Variants in PEX14 observed in about 807,000 individuals in gnomAD.
PEX14 encodes peroxisomal biogenesis factor 14, also known as peroxisomal membrane protein PEX14.
Under a neutral mutation model 49.5 loss-of-function variants are expected in PEX14, and 15 were observed. That is an observed-to-expected ratio of 0.30 (90% CI 0.20 to 0.47). The LOEUF (loss-of-function observed/expected upper bound fraction) is 0.47, where lower values mean the gene tolerates loss of function less well. PEX14 is among the 20% of genes least tolerant of loss of function. The pLI is 1.00. For synonymous variants in PEX14, 210 were observed against 212.7 expected (o/e 0.99, Z 0.11); for missense variants, 398 against 494.8 (o/e 0.80, Z 1.86).
At chr1:10,530,308 C>A (rs1638609785) in intron 2 of PEX14, among the ~76,000 whole-genome samples, 3 of 152,108 alleles carry the variant, frequency 2.0e-5, no homozygotes, top group Admixed American at 2.0e-4. Flanking sequence ...ATGTAAATGC[C>A]AACTAGTAAT....
intron 4 of PEX14, among the ~76,000 whole-genome samples, chr1:10,605,765 C>A (rs1167235777): frequency 6.6e-6 from 1 of 152,196 alleles, no homozygotes; most frequent in Non-Finnish European, 1.5e-5. Context: ...GCAGACAAAT[C>A]TCTCTTTTTG....
In PEX14 at chr1:10,536,275, G is replaced by A; in HGVS notation, c.147G>A (p.Arg49=). The A allele has an allele frequency of 6.2e-7, 1 of 1,608,578 alleles. No homozygotes were observed. Among genetic ancestry groups the A allele is most frequent in the East Asian group, 2.2e-5 (1 of 44,850 alleles). Residue 49 remains arginine (R), a synonymous_variant, in exon 3 of 9, where the codon AGG becomes AGA. Coordinates refer to ENST00000356607, the MANE Select transcript of PEX14 (RefSeq NM_004565.3). ...SRVRQSPLAT[R]RAFLKKKGLT... is the part of the protein sequence containing the mutation. ...TCCGCCAGAGCCCACTTGCAACCAG[G>A]AGAGCATTCCTAAAGAAGAAAGGTA... is the stretch of plus-strand genomic sequence containing the variant.
chr1:10,475,043 CG>C lies in PEX14; in HGVS notation c.36+43del. 3 of 1,579,962 alleles carry C rather than the reference CG, an allele frequency of 1.9e-6. No individual in the cohort carries two copies. In the African/African-American group the frequency reaches 4.0e-5, roughly 21 times the overall value. On this transcript the variant is annotated intron_variant, in intron 1 of 8. Transcript: ENST00000356607. Reference sequence around the variant, plus strand: ...CTGCCCCGCTGTGCGGCGGAGACCCCGGCTGGAGGGGGCGCTCAGCATACGG... The same window carrying C: ...CTGCCCCGCTGTGCGGCGGAGACCCCGCTGGAGGGGGCGCTCAGCATACGG...
chr1:10,510,895 A>G (rs978020322), intron 2 of PEX14, among the ~76,000 whole-genome samples: 1 of 152,216 alleles, frequency 6.6e-6, no homozygotes, highest in Non-Finnish European at 1.5e-5. Flanking sequence ...ATTTTATGAA[A>G]GGGAACATCA....
At chr1:10,484,390 C>T (rs184758104) in intron 1 of PEX14, among the ~76,000 whole-genome samples, 2 of 151,732 alleles carry the variant, frequency 1.3e-5, no homozygotes, top group East Asian at 3.9e-4. Flanking sequence ...TCAGGCTGGT[C>T]TCCAACTCCT....
intron 3 of PEX14, among the ~76,000 whole-genome samples, chr1:10,596,680 C>T (rs1425347377): frequency 1.3e-5 from 2 of 152,148 alleles, no homozygotes; most frequent in African/African-American, 2.4e-5. Flanking sequence ...CCTTGGGCCT[C>T]AGGTTTCTTA....
chr1:10,516,250 C>A (rs1297422758), intron 2 of PEX14, among the ~76,000 whole-genome samples: 1 of 152,162 alleles, frequency 6.6e-6, no homozygotes, highest in African/African-American at 2.4e-5. Context: ...TGTTCCCTAG[C>A]CCTGTTTTAT....
intron 1 of PEX14, among the ~76,000 whole-genome samples, chr1:10,482,809 C>G (rs559604935): frequency 6.6e-6 from 1 of 152,160 alleles, no homozygotes; most frequent in Non-Finnish European, 1.5e-5. Flanking sequence ...GTGAAAATAC[C>G]TGTACGTGTC....
At chr1:10,488,572 T>G (rs868332139) in intron 1 of PEX14, among the ~76,000 whole-genome samples, 129 of 151,926 alleles carry the variant, frequency 8.5e-4, no homozygotes, top group African/African-American at 2.8e-3. Context: ...TGACCTCGGT[T>G]CACTGCAAGC....
At chr1:10,599,115 A>T in intron 3 of PEX14, 123 bp from the exon 4 acceptor site, 2 of 955,720 alleles carry the variant, frequency 2.1e-6, no homozygotes, top group Non-Finnish European at 3.4e-6. Flanking sequence ...GAAATCGGGG[A>T]GGCAACTTAC....
rs1027636916 is a variant in PEX14 at position 10,539,145 on chromosome 1, G to T, written c.169+2848G>T. Among the ~76,000 whole-genome samples the T allele has an allele frequency of 1.3e-5, 2 of 152,154 alleles. No homozygotes were observed. Among genetic ancestry groups the T allele is most frequent in the African/African-American group, 4.8e-5 (2 of 41,422 alleles). Reference sequence around the variant, plus strand: ...TGGGAGCAGGGGCTGCATCCTGTCCGTGTTACCGACTGGTTAAGTGTTGTG... The same window carrying T: ...TGGGAGCAGGGGCTGCATCCTGTCCTTGTTACCGACTGGTTAAGTGTTGTG... On this transcript the variant is annotated intron_variant, in intron 3 of 8. Coordinates refer to ENST00000356607, the MANE Select transcript of PEX14 (RefSeq NM_004565.3). The surrounding 1 kb of genome is among the most constrained non-coding windows in gnomAD (Gnocchi z 4.6).
chr1:10,594,389 T>C (rs1640769603), intron 3 of PEX14, among the ~76,000 whole-genome samples: 1 of 151,974 alleles, frequency 6.6e-6, no homozygotes, highest in African/African-American at 2.4e-5. Flanking sequence ...GTCCTAGAAA[T>C]AGAGGGGCTG....
intron 3 of PEX14, among the ~76,000 whole-genome samples, chr1:10,556,690 T>A (rs1312820519): frequency 6.6e-6 from 1 of 151,142 alleles, no homozygotes; most frequent in Admixed American, 6.6e-5. Flanking sequence ...TTGGGGCATT[T>A]CATCAAAACT....
At chr1:10,520,160 T>C in intron 2 of PEX14, among the ~76,000 whole-genome samples, 1 of 100,248 alleles carries the variant, frequency 1.0e-5, no homozygotes, top group East Asian at 3.3e-4. Context: ...TTTTTTTTTT[T>C]TTGTTTTTTT....
chr1:10,545,322 A>G (rs148314125), intron 3 of PEX14, among the ~76,000 whole-genome samples: 1 of 152,278 alleles, frequency 6.6e-6, no homozygotes, highest in African/African-American at 2.4e-5. Flanking sequence ...GTAGGGACAT[A>G]TAATTTCTTT....
chr1:10,492,641 A>ACTT (rs1251233455), intron 1 of PEX14, among the ~76,000 whole-genome samples: 1 of 152,116 alleles, frequency 6.6e-6, no homozygotes, highest in Non-Finnish European at 1.5e-5. Context: ...AGTAGAGGAA[A>ACTT]CCCTCAGGAA....
chr1:10,620,333 T>A (rs200437590), intron 5 of PEX14, among the ~76,000 whole-genome samples: 18 of 135,628 alleles, frequency 1.3e-4, no homozygotes, highest in African/African-American at 4.6e-4. Context: ...ATAAAATAAA[T>A]AAGCTAGGCA....
chr1:10,620,808 C>T (rs1431539776), intron 5 of PEX14, among the ~76,000 whole-genome samples: 2 of 152,216 alleles, frequency 1.3e-5, no homozygotes, highest in Non-Finnish European at 2.9e-5. Context: ...CAAATAAATA[C>T]ATAAATAAAC....
intron 3 of PEX14, among the ~76,000 whole-genome samples, chr1:10,553,636 G>A (rs1043476769): frequency 1.5e-5 from 2 of 133,010 alleles, no homozygotes; most frequent in African/African-American, 5.1e-5. Context: ...CTCTGGTAAA[G>A]TCTGCTTCTC....
Sources: allele counts gnomAD v4.1 joint callset (sites outside exome capture counted in the v4.1 genomes callset), GRCh38; gene constraint gnomAD v4.1.1; non-coding constraint Gnocchi (gnomAD v3.1); transcripts MANE v1.5; gene names NCBI Gene and HGNC (gene_info 2026-07-23, HGNC 2026-07-21).